Variants in BCAS3 observed in about 807,000 individuals in gnomAD.
BCAS3 encodes BCAS3 microtubule associated cell migration factor.
A neutral mutation model predicts 116.1 loss-of-function variants in BCAS3; 53 were observed. The observed-to-expected ratio is 0.46, with a 90% confidence interval of 0.37 to 0.57. The LOEUF (loss-of-function observed/expected upper bound fraction) is 0.57, where lower values mean the gene tolerates loss of function less well. BCAS3 is among the 20% of genes least tolerant of loss of function. The probability of loss-of-function intolerance (pLI) is 0.00; values close to 1 mark genes in which losing one functional copy is unlikely to be tolerated. For synonymous variants in BCAS3, 391 were observed against 408.2 expected (o/e 0.96, Z 0.51); for missense variants, 917 against 1,165.4 (o/e 0.79, Z 3.10).
chr17:61,272,797 G>A (rs1475739357), intron 22 of BCAS3, among the ~76,000 whole-genome samples: 2 of 151,544 alleles, frequency 1.3e-5, no homozygotes, highest in Admixed American at 6.6e-5. Context: ...TATCAATTTT[G>A]CCTTTTTATC....
At position 61,186,954 on chromosome 17, in the gene BCAS3, C is replaced by T. The variant is rs569349859; in HGVS notation, c.2425+102390C>T. Among the ~76,000 whole-genome samples the T allele has an allele frequency of 1.3e-5, 2 of 152,222 alleles. No homozygotes were observed. The highest frequency in any genetic ancestry group is 3.8e-4 in the East Asian group (2 of 5,206). ...CTCGATCTCCTGACCTCGTGATCCA[C>T]CCACCTCGGCCTCCCAAAGTGCTGG... On this transcript the variant is annotated intron_variant, in intron 22 of 23. Coordinates refer to ENST00000407086, the MANE Select transcript of BCAS3 (RefSeq NM_017679.5). This position sits in a 1 kb window ranked among gnomAD's most constrained non-coding sequence, Gnocchi z 4.9.
At chr17:60,857,896 C>G (rs1255645102) in intron 7 of BCAS3, among the ~76,000 whole-genome samples, 1 of 151,948 alleles carries the variant, frequency 6.6e-6, no homozygotes, top group Non-Finnish European at 1.5e-5. Context: ...ATAAACTGAG[C>G]TTTCGTAACA....
intron 7 of BCAS3, among the ~76,000 whole-genome samples, chr17:60,847,284 C>T (rs1482045448): frequency 6.6e-6 from 1 of 152,194 alleles, no homozygotes; most frequent in Non-Finnish European, 1.5e-5. Flanking sequence ...GAAAATGCTA[C>T]TATGAACATT....
At chr17:60,926,366 A>G (rs980416686) in intron 13 of BCAS3, among the ~76,000 whole-genome samples, 6 of 152,156 alleles carry the variant, frequency 3.9e-5, no homozygotes, top group South Asian at 2.1e-4. Flanking sequence ...GGAAAAGCCA[A>G]TCCTTTTCCC....
rs920686053 is a variant in BCAS3, at chr17:61,142,140, C to G, written c.2425+57576C>G. 2.8e-4 allele frequency among the ~76,000 whole-genome samples: 43 copies of G among 151,612 alleles called. 1 individual carries two copies. Among genetic ancestry groups the G allele is most frequent in the Non-Finnish European group, 7.4e-5 (5 of 67,964 alleles). ...TATTATTAAGGTACTTGGCTATGTACTGTATATACCTTATCTCATTAATCT... is the reference window on the plus strand; with the variant it reads ...TATTATTAAGGTACTTGGCTATGTAGTGTATATACCTTATCTCATTAATCT... On this transcript the variant is annotated intron_variant, in intron 22 of 23. Transcript: ENST00000407086.
chr17:60,805,827 TA>T (rs111512926), intron 6 of BCAS3, among the ~76,000 whole-genome samples: 6,675 of 138,938 alleles, frequency 0.048, 579 homozygotes, highest in African/African-American at 0.17. Flanking sequence ...ACTCCATCTG[TA>T]AAAAAAAAAG....
chr17:61,018,467 A>G (rs1382056975), intron 16 of BCAS3, among the ~76,000 whole-genome samples: 1 of 151,680 alleles, frequency 6.6e-6, no homozygotes, highest in African/African-American at 2.4e-5. Context: ...ACACCCAGCT[A>G]ATTTTTGTAT....
chr17:61,147,531 G>A (rs1052986110), intron 22 of BCAS3, among the ~76,000 whole-genome samples: 3 of 152,168 alleles, frequency 2.0e-5, no homozygotes, highest in African/African-American at 4.8e-5. Context: ...GCCAACAGGT[G>A]TTTCTTGTAT....
rs189064202 is a variant in BCAS3 at position 61,170,122 on chromosome 17, G to A, written c.2425+85558G>A. 6.9e-4 allele frequency among the ~76,000 whole-genome samples: 105 copies of A among 152,088 alleles called. 1 individual carries two copies. The highest frequency in any genetic ancestry group is 1.9e-3 in the African/African-American group (79 of 41,484). On this transcript the variant is annotated intron_variant, in intron 22 of 23. Coordinates refer to ENST00000407086, the MANE Select transcript of BCAS3 (RefSeq NM_017679.5). ...TGCCACCTAAGCCTCCCAAACTGCT[G>A]TGATTAGAGGTGTGAGTCACCGCGC...
intron 7 of BCAS3, among the ~76,000 whole-genome samples, chr17:60,863,423 C>T (rs918944190): frequency 2.0e-5 from 3 of 151,690 alleles, no homozygotes; most frequent in Non-Finnish European, 2.9e-5. Context: ...AAGCAAGTCC[C>T]GTTAATTTTT....
chr17:61,042,272 A>G (rs1437974477), intron 19 of BCAS3, among the ~76,000 whole-genome samples: 1 of 152,094 alleles, frequency 6.6e-6, no homozygotes, highest in Non-Finnish European at 1.5e-5. Flanking sequence ...TGACTCTTTC[A>G]GAGTTAATAT....
At chr17:60,801,728 C>G (rs747625271) in intron 6 of BCAS3, among the ~76,000 whole-genome samples, 41 of 152,144 alleles carry the variant, frequency 2.7e-4, no homozygotes, top group Non-Finnish European at 6.0e-4. Flanking sequence ...TTATCACTGT[C>G]TTGAAACAAT....
At chr17:60,853,358 A>G (rs1000702227) in intron 7 of BCAS3, among the ~76,000 whole-genome samples, 2 of 152,322 alleles carry the variant, frequency 1.3e-5, no homozygotes, top group African/African-American at 2.4e-5. Flanking sequence ...ATTATGTGAA[A>G]TGAGTTATAA....
intron 10 of BCAS3, among the ~76,000 whole-genome samples, chr17:60,895,344 T>C (rs1010480384): frequency 6.6e-6 from 1 of 152,176 alleles, no homozygotes; most frequent in Non-Finnish European, 1.5e-5. Flanking sequence ...AGATTTTCAG[T>C]GTATAGCTTT....
intron 22 of BCAS3, among the ~76,000 whole-genome samples, chr17:61,305,007 T>C (rs2053739293): frequency 6.6e-6 from 1 of 152,210 alleles, no homozygotes; most frequent in African/African-American, 2.4e-5. Flanking sequence ...TCCGCCCGCC[T>C]CGGCCTCCCA....
intron 7 of BCAS3, among the ~76,000 whole-genome samples, chr17:60,864,293 G>A (rs554976233): frequency 6.6e-6 from 1 of 152,312 alleles, no homozygotes; most frequent in Admixed American, 6.5e-5. Context: ...GAAGCTAGAG[G>A]TTCTTCAGAG....
At position 61,037,851 on chromosome 17, in the gene BCAS3, C is replaced by T; in HGVS notation, c.1763-38C>T. Reference sequence around the variant, plus strand: ...AAAATTATTCTGTGCTCCATTTATGCCATCATAACACATCGGGTTCTGTTT... The same window carrying T: ...AAAATTATTCTGTGCTCCATTTATGTCATCATAACACATCGGGTTCTGTTT... On this transcript the variant is annotated intron_variant, in intron 17 of 23. Transcript: ENST00000407086. This position sits in a 1 kb window ranked among gnomAD's most constrained non-coding sequence, Gnocchi z 4.7. 6.4e-7 allele frequency: 1 copy of T among 1,573,006 alleles called. No individual in the cohort carries two copies. The highest frequency in any genetic ancestry group is 8.7e-7 in the Non-Finnish European group (1 of 1,149,072).
chr17:60,968,680 G>T (rs932412313), intron 14 of BCAS3, among the ~76,000 whole-genome samples: 2 of 152,140 alleles, frequency 1.3e-5, no homozygotes, highest in Non-Finnish European at 1.5e-5. Flanking sequence ...TATCCCCACA[G>T]TGTGTCAAGT....
At chr17:61,107,017 C>T (rs1294358301) in intron 22 of BCAS3, among the ~76,000 whole-genome samples, 1 of 150,850 alleles carries the variant, frequency 6.6e-6, no homozygotes, top group Non-Finnish European at 1.5e-5. Flanking sequence ...TTCATTCATT[C>T]ATTCAGCTAA....
Sources: gnomAD v4.1 joint callset for allele counts (sites outside exome capture counted in the v4.1 genomes callset) on GRCh38, gnomAD v4.1.1 for gene constraint, Gnocchi (gnomAD v3.1) non-coding constraint, MANE v1.5 for transcripts, NCBI Gene and HGNC (gene_info 2026-07-23, HGNC 2026-07-21) for gene names.